Variants in SIPA1L2 observed in about 807,000 individuals in gnomAD.
The protein encoded by SIPA1L2 is signal induced proliferation associated 1 like 2, also known as signal-induced proliferation-associated 1-like protein 2.
Under a neutral mutation model 163.9 loss-of-function variants are expected in SIPA1L2, and 56 were observed. That is an observed-to-expected ratio of 0.34 (90% CI 0.28 to 0.43). The LOEUF (loss-of-function observed/expected upper bound fraction) is 0.43. Ranked by LOEUF, SIPA1L2 falls within the 20% of genes least tolerant of loss-of-function variation. The pLI, the probability that SIPA1L2 is intolerant of heterozygous loss-of-function variation, is 1.00. For synonymous variants in SIPA1L2, 877 were observed against 865.7 expected, an observed-to-expected ratio of 1.01 and a Z score of -0.23; for missense variants, 1,974 against 2,193.5, an observed-to-expected ratio of 0.90 and a Z score of 2.00.
intron 19 of SIPA1L2, among the ~76,000 whole-genome samples, chr1:232,406,875 T>C (rs776094847): frequency 3.3e-5 from 5 of 152,264 alleles, no homozygotes; most frequent in African/African-American, 4.8e-5. Flanking sequence ...TGTTCTAATA[T>C]GTCTTTGTTA....
At chr1:232,573,138 C>A (rs1238032477) in intron 2 of SIPA1L2, among the ~76,000 whole-genome samples, 1 of 151,910 alleles carries the variant, frequency 6.6e-6, no homozygotes, top group Non-Finnish European at 1.5e-5. Context: ...TGCACCAACA[C>A]GCATAAAAGA....
chr1:232,497,109 C>T (rs1666234604), intron 3 of SIPA1L2, among the ~76,000 whole-genome samples: 1 of 152,130 alleles, frequency 6.6e-6, no homozygotes, highest in Non-Finnish European at 1.5e-5. Flanking sequence ...TGCTCTCATA[C>T]TCAGCAGGTG....
chr1:232,416,628 T>C (rs1392457344), intron 18 of SIPA1L2, among the ~76,000 whole-genome samples: 1 of 152,212 alleles, frequency 6.6e-6, no homozygotes, highest in Non-Finnish European at 1.5e-5. Flanking sequence ...CACCACAAAC[T>C]TGAGATGCCT....
intron 1 of SIPA1L2, among the ~76,000 whole-genome samples, chr1:232,591,755 T>C (rs1459286887): frequency 6.6e-6 from 1 of 152,222 alleles, no homozygotes; most frequent in Admixed American, 6.5e-5. Context: ...TTCCGAGCCC[T>C]TGTACCAATA....
chr1:232,594,519 T>C (rs1661144808), intron 1 of SIPA1L2, among the ~76,000 whole-genome samples: 2 of 152,154 alleles, frequency 1.3e-5, no homozygotes, highest in African/African-American at 4.8e-5. Context: ...GGAGTAGCTA[T>C]GGCCAGACAG....
chr1:232,495,543 T>C (rs1246695333), intron 3 of SIPA1L2, among the ~76,000 whole-genome samples: 2 of 140,336 alleles, frequency 1.4e-5, no homozygotes, highest in Non-Finnish European at 3.0e-5. Context: ...CCAGCCTGGG[T>C]GACAGAGCAA....
intron 1 of SIPA1L2, among the ~76,000 whole-genome samples, chr1:232,582,097 C>T (rs1055046120): frequency 3.9e-5 from 6 of 152,196 alleles, no homozygotes; most frequent in Non-Finnish European, 8.8e-5. Flanking sequence ...AATAAGCAGG[C>T]AAGCTTGTTG....
Position 232,514,310 on chromosome 1 carries a change from C to A in SIPA1L2, c.1030G>T (p.Ala344Ser). The A allele has an allele frequency of 6.2e-7, 1 of 1,613,454 alleles. No homozygotes were observed. Residue 344 changes from alanine to serine, a missense_variant, in exon 3 of 23, where the codon GCC becomes TCC. Ala to Ser is a moderately conservative substitution (Grantham distance 99). Coordinates refer to ENST00000674635, the MANE Select transcript of SIPA1L2 (RefSeq NM_020808.5). ...VQSILFNINE[A>S]MATRANVGKR... ...CCCACATTAGCCCTCGTAGCCATGG[C>A]TTCGTTGATATTAAACAAAATGCTC...
chr1:232,495,837 A>C (rs915735052), intron 3 of SIPA1L2, among the ~76,000 whole-genome samples: 1 of 152,184 alleles, frequency 6.6e-6, no homozygotes, highest in African/African-American at 2.4e-5. Context: ...CAGAAAAGTA[A>C]ATTCTTTTAA....
rs201264122 is a variant in SIPA1L2, at chr1:232,489,495, G to GTTT, written c.1806+1376_1806+1378dup. ...GTCACCTGCTCAAGTTTAGAGTATG[G>GTTT]TTTTTTTTTTTTAATATGTCAGCTT... On this transcript the variant is annotated intron_variant, in intron 5 of 22. Coordinates refer to ENST00000674635, the MANE Select transcript of SIPA1L2 (RefSeq NM_020808.5). Among the ~76,000 whole-genome samples the GTTT allele has an allele frequency of 0.038, 5,451 of 144,616 alleles. 923 individuals are homozygous for GTTT. The East Asian group carries it at 0.56, about 15-fold the overall frequency. The allele number at this position is 144,616 out of a possible 152,430, so 94.9% of individuals were successfully genotyped here.
intron 10 of SIPA1L2, among the ~76,000 whole-genome samples, chr1:232,460,646 A>T (rs184561690): frequency 2.0e-5 from 3 of 152,288 alleles, no homozygotes; most frequent in African/African-American, 7.2e-5. Flanking sequence ...AATGTAGTCA[A>T]TGTTCCATTA....
chr1:232,457,702 A>G (rs1000905546), intron 10 of SIPA1L2, among the ~76,000 whole-genome samples: 1 of 152,200 alleles, frequency 6.6e-6, no homozygotes, highest in Non-Finnish European at 1.5e-5. Flanking sequence ...AAAAGGAGTG[A>G]AGTGCTACCC....
At chr1:232,558,402 G>A (rs1221947804) in intron 2 of SIPA1L2, among the ~76,000 whole-genome samples, 2 of 152,130 alleles carry the variant, frequency 1.3e-5, no homozygotes, top group South Asian at 2.1e-4. Context: ...GATGGTAAAT[G>A]TGCCCCACCC....
chr1:232,451,283 C>G (rs1381355182), intron 10 of SIPA1L2, among the ~76,000 whole-genome samples: 1 of 152,090 alleles, frequency 6.6e-6, no homozygotes, highest in Non-Finnish European at 1.5e-5. Flanking sequence ...GACAAATGAG[C>G]CTGGAGAAGT....
intron 8 of SIPA1L2, among the ~76,000 whole-genome samples, chr1:232,467,935 A>G (rs543026516): frequency 2.0e-5 from 3 of 152,344 alleles, no homozygotes; most frequent in Middle Eastern, 3.4e-3. Flanking sequence ...TGTGTATCCA[A>G]TTATAGACCC....
chr1:232,534,686 C>T (rs564904046), intron 2 of SIPA1L2, among the ~76,000 whole-genome samples: 3 of 152,264 alleles, frequency 2.0e-5, no homozygotes, highest in Non-Finnish European at 4.4e-5. Flanking sequence ...GTCCCACTGG[C>T]CCCAAATGCC....
At chr1:232,599,547 T>TA (rs1553321454) in intron 1 of SIPA1L2, among the ~76,000 whole-genome samples, 10 of 152,094 alleles carry the variant, frequency 6.6e-5, no homozygotes, top group Non-Finnish European at 1.3e-4. Flanking sequence ...ACAGTGCAGA[T>TA]CCTGTGTGCC....
intron 1 of SIPA1L2, among the ~76,000 whole-genome samples, chr1:232,618,962 A>G (rs1558308516): frequency 6.6e-6 from 1 of 152,234 alleles, no homozygotes; most frequent in Admixed American, 6.5e-5. Context: ...TACGTGATAG[A>G]CAAAGTAATT....
intron 10 of SIPA1L2, among the ~76,000 whole-genome samples, chr1:232,453,416 G>A (rs1223395816): frequency 1.3e-5 from 2 of 152,146 alleles, no homozygotes; most frequent in African/African-American, 4.8e-5. Context: ...TGCATTTACT[G>A]GACTCTGAAA....
Sources: gnomAD v4.1 joint callset for allele counts (sites outside exome capture counted in the v4.1 genomes callset) on GRCh38, gnomAD v4.1.1 for gene constraint, MANE v1.5 for transcripts, NCBI Gene and HGNC (gene_info 2026-07-23, HGNC 2026-07-21) for gene names.